PRDM16: variants seen among roughly 807,000 people sequenced by gnomAD.
The protein encoded by PRDM16 is histone-lysine N-methyltransferase PRDM16.
A neutral mutation model predicts 110.6 loss-of-function variants in PRDM16; 23 were observed. The observed-to-expected ratio is 0.21, with a 90% CI of 0.15 to 0.29. The LOEUF (loss-of-function observed/expected upper bound fraction) is 0.29. PRDM16 is among the 10% of genes least tolerant of loss of function. The pLI, the probability that PRDM16 is intolerant of heterozygous loss-of-function variation, is 1.00. For synonymous variants in PRDM16, 799 were observed against 781.8 expected, an observed-to-expected ratio of 1.02 and a Z score of -0.37; for missense variants, 1,615 against 1,794.3, an observed-to-expected ratio of 0.90 and a Z score of 1.81.
Position 3,434,935 on chromosome 1 carries a change from C to A in PRDM16, c.*1124C>A, listed in dbSNP as rs868264165. ...TGGCTGCCCTGGGGAGCAATCCCAG[C>A]GGATCGCTCCGGGCCACCAAGCCGC... On this transcript the variant is annotated 3_prime_UTR_variant, in exon 17 of 17. Transcript: ENST00000270722. The A allele has an allele frequency of 1.3e-5, 3 of 230,448 alleles. No individual in the cohort carries two copies. Among genetic ancestry groups the A allele is most frequent in the South Asian group, 3.6e-4 (2 of 5,502 alleles). 14.3% of individuals were successfully genotyped at this position (230,448 alleles called of 1,614,324 possible). A position where few individuals can be genotyped will look rare whatever the true frequency, so the allele number is the denominator to read the frequency against.
At chr1:3,204,897 G>GA (rs1638717768) in intron 2 of PRDM16, among the ~76,000 whole-genome samples, 1 of 151,086 alleles carries the variant, frequency 6.6e-6, no homozygotes, top group African/African-American at 2.5e-5. Flanking sequence ...GACCCCCGTT[G>GA]GGGGGGGCCC....
chr1:3,180,894 TC>T (rs1198329430), intron 1 of PRDM16, among the ~76,000 whole-genome samples: 3 of 151,026 alleles, frequency 2.0e-5, no homozygotes, highest in Non-Finnish European at 4.4e-5. Context: ...ACACACGGCC[TC>T]ACACACGCAG....
intron 3 of PRDM16, among the ~76,000 whole-genome samples, chr1:3,332,905 G>A (rs1339293539): frequency 1.3e-5 from 2 of 152,212 alleles, no homozygotes; most frequent in East Asian, 1.9e-4. Flanking sequence ...CTACGCATCT[G>A]TGTTCAAGGT....
At chr1:3,297,956 A>G (rs10442593) in intron 3 of PRDM16, among the ~76,000 whole-genome samples, 74,888 of 149,972 alleles carry the variant, frequency 0.5, 19,879 homozygotes, top group East Asian at 0.68. Context: ...GCTCCGCAGG[A>G]GCCAGCTCTG....
intron 1 of PRDM16, among the ~76,000 whole-genome samples, chr1:3,179,433 A>C (rs1644125862): frequency 6.6e-6 from 1 of 152,202 alleles, no homozygotes; most frequent in Admixed American, 6.5e-5. Flanking sequence ...TACAGTGGGC[A>C]GCTCCCCTGA....
chr1:3,233,266 C>T (rs138608378), intron 2 of PRDM16, among the ~76,000 whole-genome samples: 55 of 152,236 alleles, frequency 3.6e-4, no homozygotes, highest in Middle Eastern at 6.8e-3. Context: ...GAGGAGGGAC[C>T]GTCAGCATTT....
chr1:3,427,384 C>T (rs1638640042), intron 14 of PRDM16, among the ~76,000 whole-genome samples: 2 of 152,152 alleles, frequency 1.3e-5, no homozygotes, highest in South Asian at 4.1e-4. Flanking sequence ...TGCTCAGGCC[C>T]AGAACCTAGA....
chr1:3,087,310 T>TC (rs1320138240), intron 1 of PRDM16, among the ~76,000 whole-genome samples: 5 of 149,612 alleles, frequency 3.3e-5, no homozygotes, highest in African/African-American at 1.2e-4. Context: ...CCAGGGCCTC[T>TC]CACCTTCACA....
chr1:3,193,481 C>G (rs563253753), intron 2 of PRDM16, among the ~76,000 whole-genome samples: 2 of 152,210 alleles, frequency 1.3e-5, no homozygotes, highest in African/African-American at 4.8e-5. Flanking sequence ...GTGTGTCCAG[C>G]GCCCACTGCT....
chr1:3,156,932 C>T (rs532025006), intron 1 of PRDM16, among the ~76,000 whole-genome samples: 39 of 152,300 alleles, frequency 2.6e-4, no homozygotes, highest in African/African-American at 8.4e-4. Flanking sequence ...GGTGGGGACA[C>T]GGGGTCTCCC....
At chr1:3,318,985 A>G (rs1641677839) in intron 3 of PRDM16, among the ~76,000 whole-genome samples, 1 of 152,242 alleles carries the variant, frequency 6.6e-6, no homozygotes, top group South Asian at 2.1e-4. Flanking sequence ...AATGGCTACA[A>G]ACATGGCGTG....
intron 1 of PRDM16, among the ~76,000 whole-genome samples, chr1:3,139,927 G>A (rs759750181): frequency 2.0e-5 from 3 of 152,376 alleles, no homozygotes; most frequent in Non-Finnish European, 4.4e-5. Flanking sequence ...GCCATGTGCC[G>A]TGACCTTGAG....
chr1:3,175,068 C>T lies in PRDM16; in HGVS notation c.38-11057C>T, dbSNP rs1644070065. On this transcript the variant is annotated intron_variant, in intron 1 of 16. Coordinates refer to ENST00000270722, the MANE Select transcript of PRDM16 (RefSeq NM_022114.4). This position sits in a 1 kb window ranked among gnomAD's most constrained non-coding sequence, Gnocchi z 4.8. ...GGTGGGACCAGCGGCCAAGGCTCCT[C>T]CTAGCACCATTTCCTGGAGTTACGA... 6.6e-6 allele frequency among the ~76,000 whole-genome samples: 1 copy of T among 152,174 alleles called. No individual in the cohort carries two copies. The highest frequency in any genetic ancestry group is 2.4e-5 in the African/African-American group (1 of 41,428).
chr1:3,208,364 G>A lies in PRDM16; in HGVS notation c.387+21890G>A, dbSNP rs968811763. 2.0e-5 allele frequency: 3 copies of A among 152,120 alleles called. No individual in the cohort carries two copies. The highest frequency in any genetic ancestry group is 6.5e-5 in the Admixed American group (1 of 15,280). The allele number at this position is 152,120 out of a possible 1,614,324, so 9.4% of individuals were successfully genotyped here. ...GCCCGAGGCCACCCCGAGTGATGAC[G>A]ACGATTGAAAATGTCTCCAGAGGCC... On this transcript the variant is annotated intron_variant, in intron 2 of 16. Transcript: ENST00000270722. The surrounding 1 kb of genome is among the most constrained non-coding windows in gnomAD (Gnocchi z 6.1).
chr1:3,358,309 T>TGAG lies in PRDM16; in HGVS notation c.439-26841_439-26840insGGA, dbSNP rs1642648856. 6.6e-6 allele frequency among the ~76,000 whole-genome samples: 1 copy of TGAG among 152,230 alleles called. No homozygotes were observed. Among genetic ancestry groups the TGAG allele is most frequent in the South Asian group, 2.1e-4 (1 of 4,832 alleles). Reference sequence around the variant, plus strand: ...TGGGGAACCGTAGTTACGCAGGTCCTGAACTGGGTCTTCTCTGGATGCGAG... The same window carrying TGAG: ...TGGGGAACCGTAGTTACGCAGGTCCTGAGGAACTGGGTCTTCTCTGGATGCGAG... On this transcript the variant is annotated intron_variant, in intron 3 of 16. Coordinates refer to ENST00000270722, the MANE Select transcript of PRDM16 (RefSeq NM_022114.4). This position sits in a 1 kb window ranked among gnomAD's most constrained non-coding sequence, Gnocchi z 4.0.
rs1025944920 is a variant in PRDM16, at chr1:3,412,051, C to T, written c.1854C>T (p.Thr618=). The T allele has an allele frequency of 6.2e-7, 1 of 1,610,756 alleles. No homozygotes were observed. Among genetic ancestry groups the T allele is most frequent in the African/African-American group, 1.3e-5 (1 of 74,996 alleles). Residue 618 remains threonine, a synonymous_variant, in exon 9 of 17, where the codon ACC becomes ACT. Coordinates refer to ENST00000270722, the MANE Select transcript of PRDM16 (RefSeq NM_022114.4). ...CCACGGGGACCGACCTGGACACGACCACGGGGACGGGCTCGGACCTGGACA... is the reference window on the plus strand; with the variant it reads ...CCACGGGGACCGACCTGGACACGACTACGGGGACGGGCTCGGACCTGGACA... ...NTTTGTDLDT[T]TGTGSDLDSD...
chr1:3,128,537 A>T (rs975975603), intron 1 of PRDM16, among the ~76,000 whole-genome samples: 2 of 152,088 alleles, frequency 1.3e-5, no homozygotes, highest in African/African-American at 4.8e-5. Flanking sequence ...TTTCTCCCAC[A>T]ATGGTGACCT....
At position 3,437,765 on chromosome 1, in the gene PRDM16, AAAT is replaced by A. The variant is rs1638948496; in HGVS notation, c.*3957_*3959del. 4.6e-6 allele frequency: 1 copy of A among 218,290 alleles called. No individual in the cohort carries two copies. The highest frequency in any genetic ancestry group is 6.7e-5 in the East Asian group (1 of 14,914). The allele number at this position is 218,290 out of a possible 1,614,324, so 13.5% of individuals were successfully genotyped here. A position where few individuals can be genotyped will look rare whatever the true frequency, so the allele number is the denominator to read the frequency against. On this transcript the variant is annotated 3_prime_UTR_variant, in exon 17 of 17. Coordinates refer to ENST00000270722, the MANE Select transcript of PRDM16 (RefSeq NM_022114.4). ...CACTTTTGGAAAAAAATAAATAAAT[AAAT>A]AAATAAAAGGCAGCTTGAGTTTCCA... is the stretch of plus-strand genomic sequence containing the variant.
At chr1:3,114,494 ACACACGCG>A in intron 1 of PRDM16, among the ~76,000 whole-genome samples, 1 of 150,310 alleles carries the variant, frequency 6.7e-6, no homozygotes, top group Admixed American at 6.6e-5. Context: ...GCACGCACGC[ACACACGCG>A]CATGCACACA....
Sources: gnomAD v4.1 joint callset for allele counts (sites outside exome capture counted in the v4.1 genomes callset) on GRCh38, gnomAD v4.1.1 for gene constraint, Gnocchi (gnomAD v3.1) non-coding constraint, MANE v1.5 for transcripts, NCBI Gene and HGNC (gene_info 2026-07-23, HGNC 2026-07-21) for gene names.